Variants in LRP4 observed in about 807,000 individuals in gnomAD.
LRP4 encodes LDL receptor related protein 4, also known as low-density lipoprotein receptor-related protein 4.
LRP4 carries 95 observed loss-of-function variants against 220.3 expected under a neutral mutation model. The ratio of observed to expected loss-of-function variants is 0.43; its 90% CI spans 0.37 to 0.51. The LOEUF (loss-of-function observed/expected upper bound fraction) is 0.51, where lower values mean the gene tolerates loss of function less well. Ranked by LOEUF, LRP4 falls within the 20% of genes least tolerant of loss-of-function variation. The probability of loss-of-function intolerance (pLI) is 0.00; values close to 1 mark genes in which losing one functional copy is unlikely to be tolerated. For synonymous variants in LRP4, 903 were observed against 954.6 expected, an observed-to-expected ratio of 0.95 and a Z score of 1.00; for missense variants, 1,925 against 2,567.0, an observed-to-expected ratio of 0.75 and a Z score of 5.40.
intron 37 of LRP4, among the ~76,000 whole-genome samples, chr11:46,861,587 A>G (rs2134756800): frequency 8.0e-6 from 1 of 125,354 alleles, no homozygotes; most frequent in Admixed American, 1.1e-4. Flanking sequence ...GGGTAGTGGC[A>G]TGATCACAGC....
At chr11:46,908,441 TG>T (rs1390184999) in intron 1 of LRP4, among the ~76,000 whole-genome samples, 3 of 152,178 alleles carry the variant, frequency 2.0e-5, no homozygotes, top group Non-Finnish European at 4.4e-5. Flanking sequence ...ACTTTACAGC[TG>T]GGGACAATGA....
At chr11:46,912,597 T>C (rs578030869) in intron 1 of LRP4, among the ~76,000 whole-genome samples, 2 of 152,262 alleles carry the variant, frequency 1.3e-5, no homozygotes, top group South Asian at 4.2e-4. Context: ...AGAGAAGCTG[T>C]CTCTTGTCCT....
rs754936858 is a variant in LRP4 at position 46,879,220 on chromosome 11, G to A, written c.2910C>T (p.Ser970=). The A allele has an allele frequency of 2.0e-5, 32 of 1,614,206 alleles. No homozygotes were observed. Among genetic ancestry groups the A allele is most frequent in the South Asian group, 1.3e-4 (12 of 91,082 alleles). ...WTDWQTKSIQ[S]ADRLTGLDRE... is the part of the protein sequence containing the mutation. ...GGTCCAGCCCTGTCAGCCGGTCAGC[G>A]CTCTGTATGCTCTTGGTCTGCCAGT... The change falls in exon 21 of 38, where the codon AGC becomes AGT. Residue 970 remains serine, a synonymous_variant. Transcript: ENST00000378623.
At chr11:46,870,703 T>C (rs1406566548) in intron 31 of LRP4, among the ~76,000 whole-genome samples, 4 of 152,234 alleles carry the variant, frequency 2.6e-5, no homozygotes, top group South Asian at 2.1e-4. Flanking sequence ...ATTACAGGCA[T>C]AAGCCACTAC....
At chr11:46,908,411 G>A (rs189517504) in intron 1 of LRP4, among the ~76,000 whole-genome samples, 1 of 152,130 alleles carries the variant, frequency 6.6e-6, no homozygotes, top group East Asian at 1.9e-4. Flanking sequence ...TTACTTTTGC[G>A]CCAACCTAAT....
rs539660204 is a variant in LRP4 at position 46,918,048 on chromosome 11, G to A, written c.52+280C>T. On this transcript the variant is annotated intron_variant, in intron 1 of 37. Coordinates refer to ENST00000378623, the MANE Select transcript of LRP4 (RefSeq NM_002334.4). The surrounding 1 kb of genome is among the most constrained non-coding windows in gnomAD (Gnocchi z 6.0). ...CCCCGCTCTTGAAAGAGCAGCGAGG[G>A]AGGGCGAGCGAACGAACGCCCCGGA... is the stretch of plus-strand genomic sequence containing the variant. Among the ~76,000 whole-genome samples, 33 of 152,332 alleles carry A rather than the reference G, an allele frequency of 2.2e-4. No homozygotes were observed. The highest frequency in any genetic ancestry group is 7.5e-4 in the African/African-American group (31 of 41,590).
intron 1 of LRP4, among the ~76,000 whole-genome samples, chr11:46,916,899 C>T (rs926436541): frequency 1.6e-4 from 25 of 152,178 alleles, no homozygotes; most frequent in Admixed American, 1.6e-3. Context: ...GCCGCTGTCC[C>T]AACACGCCAA....
At chr11:46,864,316 C>A (rs962584957) in intron 36 of LRP4, 132 bp downstream of exon 36, 10 of 760,436 alleles carry the variant, frequency 1.3e-5, no homozygotes, top group Non-Finnish European at 2.1e-5. Context: ...CTTCTGCTGC[C>A]CTGACCAGGC....
At chr11:46,898,426 T>C in intron 7 of LRP4, 132 bp downstream of exon 7, 1 of 1,232,510 alleles carries the variant, frequency 8.1e-7, no homozygotes, top group Non-Finnish European at 1.2e-6. Context: ...CCTCAAGCAA[T>C]CCACCCACCT....
chr11:46,885,699 G>A (rs1475218847), intron 18 of LRP4, among the ~76,000 whole-genome samples: 2 of 151,310 alleles, frequency 1.3e-5, no homozygotes, highest in Admixed American at 6.6e-5. Context: ...GCATGAACCC[G>A]GGAGGCGGAG....
chr11:46,881,762 G>A lies in LRP4; in HGVS notation c.2754C>T (p.Tyr918=), dbSNP rs759268487. The part of the protein sequence containing the change: ...LAIDYGSQRL[Y]WADAGMKTIE... ...TTGTCTTCATGCCGGCGTCAGCCCA[G>A]TATAGACGCTGGGACCCATAATCAA... Residue 918 remains tyrosine, a synonymous_variant, in exon 20 of 38, where the codon TAC becomes TAT. Transcript: ENST00000378623. 3 of 1,613,878 alleles carry A rather than the reference G, an allele frequency of 1.9e-6. No individual in the cohort carries two copies. Among genetic ancestry groups the A allele is most frequent in the African/African-American group, 1.3e-5 (1 of 74,934 alleles).
intron 34 of LRP4, among the ~76,000 whole-genome samples, chr11:46,867,251 C>A (rs900539177): frequency 6.6e-6 from 1 of 151,906 alleles, no homozygotes; most frequent in Admixed American, 6.6e-5. Flanking sequence ...GTGCACATGA[C>A]ATTATAAGCT....
rs17848244 is a variant in LRP4, at chr11:46,893,062, C to T, written c.1608G>A (p.Glu536=). 4.3e-6 allele frequency: 7 copies of T among 1,614,180 alleles called. No individual in the cohort carries two copies. The East Asian group carries it at 1.3e-4, about 31-fold the overall frequency. The change falls in exon 13 of 38, where the codon GAG becomes GAA. Residue 536 remains glutamate, a synonymous_variant. Coordinates refer to ENST00000378623, the MANE Select transcript of LRP4 (RefSeq NM_002334.4). The stretch of plus-strand genomic sequence containing the variant: ...GGTGGGCCCCATCCAGATTGGCCAC[C>T]TCAATCCTCGAGGTGCCTGAGTCGG... ...YWTDSGTSRI[E]VANLDGAHRK... is the part of the protein sequence containing the mutation.
At chr11:46,885,294 G>A (rs10838629) in intron 18 of LRP4, among the ~76,000 whole-genome samples, 90,712 of 152,010 alleles carry the variant, frequency 0.6, 30,532 homozygotes, top group Non-Finnish European at 0.76. Flanking sequence ...ACCATGCCCA[G>A]CCCTGATTCA....
intron 12 of LRP4, 61 bp from the exon 13 acceptor site, chr11:46,893,190 T>C (rs1592539255): frequency 6.3e-7 from 1 of 1,599,312 alleles, no homozygotes. Context: ...TGTCCCATAG[T>C]AATAGGAGCA....
In LRP4 at chr11:46,890,113, C is replaced by A. The variant is rs138624590; in HGVS notation, c.1923G>T (p.Pro641=). The A allele has an allele frequency of 5.6e-6, 9 of 1,613,980 alleles. No homozygotes were observed. Among genetic ancestry groups the A allele is most frequent in the South Asian group, 1.1e-5 (1 of 91,070 alleles). Residue 641 remains proline, a synonymous_variant, in exon 15 of 38, where the codon CCG becomes CCT. Coordinates refer to ENST00000378623, the MANE Select transcript of LRP4 (RefSeq NM_002334.4). This position sits in a 1 kb window ranked among gnomAD's most constrained non-coding sequence, Gnocchi z 5.3. ...HRKAVISQGL[P]HPFAITVFED... Reference sequence around the variant, plus strand: ...CAAACACTGTGATGGCGAAGGGATGCGGGAGGCCTGGGGAAAGTCCAGGAA... The same window carrying A: ...CAAACACTGTGATGGCGAAGGGATGAGGGAGGCCTGGGGAAAGTCCAGGAA...
At chr11:46,903,045 G>T in intron 1 of LRP4, 116 bp from the exon 2 acceptor site, 1 of 1,250,146 alleles carries the variant, frequency 8.0e-7, no homozygotes, top group Non-Finnish European at 1.2e-6. Flanking sequence ...GAGTCACAGT[G>T]ACACTTCAAG....
intron 13 of LRP4, among the ~76,000 whole-genome samples, chr11:46,892,538 G>A (rs1214659421): frequency 6.6e-6 from 1 of 151,400 alleles, no homozygotes; most frequent in Non-Finnish European, 1.5e-5. Context: ...TCAAGTGTGT[G>A]GGGGACAGAG....
At chr11:46,909,731 T>TTGAATGAA (rs369210630) in intron 1 of LRP4, among the ~76,000 whole-genome samples, 16 of 150,222 alleles carry the variant, frequency 1.1e-4, no homozygotes, top group African/African-American at 2.0e-4. Context: ...TACAAGTTCG[T>TTGAATGAA]TGAATGAATG....
Sources: gnomAD v4.1 joint callset for allele counts (sites outside exome capture counted in the v4.1 genomes callset) on GRCh38, gnomAD v4.1.1 for gene constraint, Gnocchi (gnomAD v3.1) non-coding constraint, MANE v1.5 for transcripts, NCBI Gene and HGNC (gene_info 2026-07-23, HGNC 2026-07-21) for gene names.